Variants in DYM observed in about 807,000 individuals in gnomAD.
DYM encodes dyggve-Melchior-Clausen syndrome protein.
In DYM, 78 loss-of-function variants were observed where a neutral mutation model predicts 93.1. That is an observed-to-expected ratio of 0.84 (90% CI 0.70 to 1.01). The LOEUF is 1.01. Among genes scored for constraint, DYM ranks in the 50% least tolerant of loss-of-function variants. The pLI is 0.00. For missense variants in DYM, 789 were observed against 845.0 expected, an observed-to-expected ratio of 0.93 and a Z score of 0.82; for synonymous variants, 321 against 319.7, an observed-to-expected ratio of 1.00 and a Z score of -0.04.
intron 13 of DYM, among the ~76,000 whole-genome samples, chr18:49,241,036 C>T (rs2093997260): frequency 6.6e-6 from 1 of 152,104 alleles, no homozygotes; most frequent in Non-Finnish European, 1.5e-5. Context: ...CAGTTTTACC[C>T]CAACTTTGCT....
intron 5 of DYM, among the ~76,000 whole-genome samples, chr18:49,365,036 G>T (rs12606515): frequency 6.6e-6 from 1 of 152,118 alleles, no homozygotes; most frequent in East Asian, 1.9e-4. Context: ...TACTTCTAGA[G>T]GATGATGACT....
intron 17 of DYM, among the ~76,000 whole-genome samples, chr18:49,071,663 T>C (rs552019995): frequency 6.6e-6 from 1 of 152,330 alleles, no homozygotes; most frequent in South Asian, 2.1e-4. Flanking sequence ...AGTAAATCAC[T>C]ACTTACTTGG....
At chr18:49,084,746 T>C (rs1411329527) in intron 17 of DYM, among the ~76,000 whole-genome samples, 1 of 152,174 alleles carries the variant, frequency 6.6e-6, no homozygotes, top group Non-Finnish European at 1.5e-5. Context: ...TCTAACAACA[T>C]AAATGGCTCT....
chr18:49,048,135 G>A (rs560443916), intron 17 of DYM: 4 of 152,326 alleles, frequency 2.6e-5, no homozygotes, highest in Non-Finnish European at 2.9e-5. Context: ...TAGGCTCCAC[G>A]AAACCCTTCT....
In DYM at chr18:49,259,448, G is replaced by GTTT. The variant is rs2094456203; in HGVS notation, c.1252-956_1252-955insAAA. Among the ~76,000 whole-genome samples the GTTT allele has an allele frequency of 2.6e-5, 4 of 152,280 alleles. 1 individual carries two copies. The highest frequency in any genetic ancestry group is 6.5e-5 in the Admixed American group (1 of 15,304). Reference sequence around the variant, plus strand: ...CAAATTCGGGGAATCCTACTAAACAGATAACCCAGTTTCTTCAACAAATAA... The same window carrying GTTT: ...CAAATTCGGGGAATCCTACTAAACAGTTTATAACCCAGTTTCTTCAACAAATAA... On this transcript the variant is annotated intron_variant, in intron 11 of 17. Coordinates refer to ENST00000675505, the MANE Select transcript of DYM (RefSeq NM_001353214.3).
chr18:49,217,918 T>G (rs1055675924), intron 13 of DYM, among the ~76,000 whole-genome samples: 3 of 152,302 alleles, frequency 2.0e-5, no homozygotes, highest in Admixed American at 1.3e-4. Context: ...TAACTTTAAA[T>G]GTAAATGGAC....
chr18:49,076,225 A>G (rs759319357), intron 17 of DYM, among the ~76,000 whole-genome samples: 1 of 152,250 alleles, frequency 6.6e-6, no homozygotes, highest in Non-Finnish European at 1.5e-5. Context: ...ATATAAAAAT[A>G]GTAGCAATCA....
chr18:49,420,700 G>T (rs1050818629), intron 2 of DYM, among the ~76,000 whole-genome samples: 1 of 152,104 alleles, frequency 6.6e-6, no homozygotes, highest in Non-Finnish European at 1.5e-5. Flanking sequence ...CCTGTGGACC[G>T]TGAACCGAAG....
At chr18:49,075,279 T>C (rs1481146141) in intron 17 of DYM, among the ~76,000 whole-genome samples, 5 of 152,134 alleles carry the variant, frequency 3.3e-5, no homozygotes, top group Non-Finnish European at 5.9e-5. Context: ...ACCATCCCAT[T>C]TGAGGGCCGA....
At chr18:49,397,467 G>T (rs2070246424) in intron 2 of DYM, among the ~76,000 whole-genome samples, 1 of 152,218 alleles carries the variant, frequency 6.6e-6, no homozygotes, top group Non-Finnish European at 1.5e-5. Context: ...AGAAGAACAA[G>T]AACTGGCTTT....
chr18:49,321,437 G>C, intron 8 of DYM: 1 of 397,820 alleles, frequency 2.5e-6, no homozygotes, highest in Non-Finnish European at 4.4e-6. Flanking sequence ...CCAATCCTGG[G>C]AACTGGTTTA....
intron 17 of DYM, among the ~76,000 whole-genome samples, chr18:49,060,151 A>G (rs1044212319): frequency 9.9e-5 from 15 of 152,208 alleles, no homozygotes; most frequent in African/African-American, 3.6e-4. Context: ...GTACAATGCA[A>G]TAATTGCCAG....
chr18:49,044,604 G>A (rs2071228498), intron 17 of DYM, among the ~76,000 whole-genome samples: 1 of 152,242 alleles, frequency 6.6e-6, no homozygotes, highest in South Asian at 2.1e-4. Flanking sequence ...CTGTCCTCAG[G>A]GTTCCACCAT....
chr18:49,382,267 T>C (rs1037412874), intron 3 of DYM, among the ~76,000 whole-genome samples: 7 of 152,230 alleles, frequency 4.6e-5, no homozygotes, highest in Non-Finnish European at 1.0e-4. Context: ...GCTACTCATA[T>C]GTGCCCACAC....
chr18:49,163,887 AT>A lies in DYM; in HGVS notation c.1626-101del, dbSNP rs151119533. On this transcript the variant is annotated intron_variant, in intron 14 of 17. Coordinates refer to ENST00000675505, the MANE Select transcript of DYM (RefSeq NM_001353214.3). ...TCCACAGCATGTCAATTATTCTAAA[AT>A]ATACTTGTAAATGATTCTTTCTTCA... 47,621 of 760,222 alleles carry A rather than the reference AT, an allele frequency of 0.063. 1,848 individuals carry two copies. Among genetic ancestry groups the A allele is most frequent in the Middle Eastern group, 0.093 (280 of 3,006 alleles). The allele number at this position is 760,222 out of a possible 1,614,324, so 47.1% of individuals were successfully genotyped here. A position where few individuals can be genotyped will look rare whatever the true frequency, so the allele number is the denominator to read the frequency against.
intron 8 of DYM, among the ~76,000 whole-genome samples, chr18:49,314,363 C>T (rs2061793573): frequency 6.6e-6 from 1 of 152,186 alleles, no homozygotes; most frequent in South Asian, 2.1e-4. Flanking sequence ...TTTATCCATG[C>T]CACTGTTGAT....
chr18:49,203,871 TAAAAAAAAAAA>T (rs71165370), intron 14 of DYM, among the ~76,000 whole-genome samples: 14 of 63,538 alleles, frequency 2.2e-4, no homozygotes, highest in East Asian at 6.1e-4. Context: ...TTTAAAAAAG[TAAAAAAAAAAA>T]AAAAAAAAAA....
At chr18:49,174,718 T>C (rs1015724509) in intron 14 of DYM, among the ~76,000 whole-genome samples, 1 of 152,164 alleles carries the variant, frequency 6.6e-6, no homozygotes, top group Non-Finnish European at 1.5e-5. Flanking sequence ...AAAGCTGCTT[T>C]TTCTCTCTGG....
At chr18:49,220,342 C>A (rs1404922780) in intron 13 of DYM, among the ~76,000 whole-genome samples, 17 of 147,986 alleles carry the variant, frequency 1.1e-4, no homozygotes, top group Non-Finnish European at 2.5e-4. Context: ...AGGTAATTTA[C>A]AGATTCAATG....
Sources: allele counts gnomAD v4.1 joint callset (sites outside exome capture counted in the v4.1 genomes callset), GRCh38; gene constraint gnomAD v4.1.1; transcripts MANE v1.5; gene names NCBI Gene and HGNC (gene_info 2026-07-23, HGNC 2026-07-21).